COX10: variants seen among roughly 807,000 people sequenced by gnomAD.
The protein encoded by COX10 is protoheme IX farnesyltransferase, mitochondrial.
COX10 carries 27 observed loss-of-function variants against 37.3 expected under a neutral mutation model. That is an observed-to-expected ratio of 0.72 (90% CI 0.53 to 1.00). The LOEUF (loss-of-function observed/expected upper bound fraction) is 1.00. COX10 is among the 50% of genes least tolerant of loss of function. COX10 has a pLI of 0.00. For missense variants in COX10, 475 were observed against 563.2 expected (o/e 0.84, Z 1.59); for synonymous variants, 222 against 229.1 (o/e 0.97, Z 0.28).
intron 3 of COX10, among the ~76,000 whole-genome samples, chr17:14,094,980 C>T (rs1429461031): frequency 1.3e-5 from 2 of 152,024 alleles, no homozygotes; most frequent in African/African-American, 4.8e-5. Flanking sequence ...GTGGGATTTG[C>T]ATAATTGAAG....
intron 4 of COX10, among the ~76,000 whole-genome samples, chr17:14,112,925 G>T (rs1305606780): frequency 1.3e-5 from 2 of 152,162 alleles, no homozygotes; most frequent in African/African-American, 4.8e-5. Context: ...GGGCATATGT[G>T]CTTTGCTAAA....
chr17:14,084,290 A>C (rs1402477228), intron 3 of COX10, among the ~76,000 whole-genome samples: 1 of 152,150 alleles, frequency 6.6e-6, no homozygotes, highest in Non-Finnish European at 1.5e-5. Flanking sequence ...TAAATGTTAT[A>C]GTATTATTTT....
At chr17:14,150,269 C>G (rs1438717301) in intron 4 of COX10, among the ~76,000 whole-genome samples, 1 of 149,632 alleles carries the variant, frequency 6.7e-6, no homozygotes, top group Non-Finnish European at 1.5e-5. Context: ...AAAACCCTGT[C>G]TCAAAAAAAA....
At chr17:14,077,322 A>C (rs1285493042) in intron 3 of COX10, 5 of 434,570 alleles carry the variant, frequency 1.2e-5, no homozygotes, top group African/African-American at 2.0e-5. Context: ...TATCCTGCTT[A>C]TTTCCTTGTC....
At chr17:14,075,437 A>G (rs981047539) in intron 2 of COX10, among the ~76,000 whole-genome samples, 1 of 152,188 alleles carries the variant, frequency 6.6e-6, no homozygotes, top group African/African-American at 2.4e-5. Context: ...ATGCCTGCCT[A>G]TAGCTGGTTG....
intron 3 of COX10, among the ~76,000 whole-genome samples, chr17:14,085,985 T>TGTTGA (rs1237300354): frequency 6.6e-6 from 1 of 152,208 alleles, no homozygotes; most frequent in African/African-American, 2.4e-5. Flanking sequence ...AGTGGTGATT[T>TGTTGA]GTATTGCTTT....
At chr17:14,168,086 A>G (rs1034703827) in intron 5 of COX10, among the ~76,000 whole-genome samples, 7 of 152,248 alleles carry the variant, frequency 4.6e-5, no homozygotes, top group African/African-American at 1.4e-4. Flanking sequence ...ACAAGATACA[A>G]TGAGGGTACA....
intron 4 of COX10, among the ~76,000 whole-genome samples, chr17:14,158,365 A>G (rs1284552547): frequency 1.3e-5 from 2 of 151,712 alleles, no homozygotes; most frequent in African/African-American, 4.9e-5. Flanking sequence ...AAAATTCTAC[A>G]TTTCTCAAAT....
intron 3 of COX10, among the ~76,000 whole-genome samples, chr17:14,096,364 GTTTTTTTTTTTTTCT>G (rs922816787): frequency 1.6e-5 from 2 of 128,708 alleles, no homozygotes; most frequent in African/African-American, 5.8e-5. Context: ...ATGTAGGTGT[GTTTTTTTTTTTTTCT>G]TTTTTTTTTT....
chr17:14,070,831 G>A (rs564528120), intron 1 of COX10, among the ~76,000 whole-genome samples: 1 of 152,338 alleles, frequency 6.6e-6, no homozygotes, highest in Non-Finnish European at 1.5e-5. Flanking sequence ...CTGGAATTGA[G>A]TTTACTCATC....
chr17:14,127,927 ATGTGTGTGTGTGTGTG>A (rs67774468), intron 4 of COX10, among the ~76,000 whole-genome samples: 3 of 143,596 alleles, frequency 2.1e-5, no homozygotes, highest in Admixed American at 6.9e-5. Context: ...GAGTGTGTGT[ATGTGTGTGTGTGTGTG>A]TGTGTGTGTG....
At chr17:14,143,918 C>G (rs1437769408) in intron 4 of COX10, among the ~76,000 whole-genome samples, 2 of 152,080 alleles carry the variant, frequency 1.3e-5, no homozygotes, top group South Asian at 2.1e-4. Flanking sequence ...AGCAAGTTGG[C>G]TTTGTGCCCA....
At chr17:14,097,247 G>A (rs890733508) in intron 3 of COX10, among the ~76,000 whole-genome samples, 4 of 151,734 alleles carry the variant, frequency 2.6e-5, no homozygotes, top group African/African-American at 9.7e-5. Context: ...CAATTTATCC[G>A]TCCTCACTGC....
chr17:14,083,165 C>T (rs557052407), intron 3 of COX10, among the ~76,000 whole-genome samples: 6 of 152,248 alleles, frequency 3.9e-5, no homozygotes, highest in African/African-American at 1.4e-4. Flanking sequence ...AGTAAATTTC[C>T]CTTGTATTAT....
chr17:14,076,583 C>A, intron 2 of COX10, 152 bp from the exon 3 acceptor site: 2 of 743,382 alleles, frequency 2.7e-6, no homozygotes, highest in South Asian at 1.7e-5. Flanking sequence ...CCATATAGCA[C>A]TCTATAAATA....
chr17:14,149,375 G>T (rs1255511553), intron 4 of COX10, among the ~76,000 whole-genome samples: 1 of 152,118 alleles, frequency 6.6e-6, no homozygotes, highest in African/African-American at 2.4e-5. Flanking sequence ...GCTTTACAGT[G>T]TATTATAAAT....
intron 4 of COX10, among the ~76,000 whole-genome samples, chr17:14,126,134 G>A (rs551653125): frequency 3.3e-5 from 5 of 151,830 alleles, no homozygotes; most frequent in Non-Finnish European, 7.4e-5. Context: ...TTCCTTATAA[G>A]GATGCATCTT....
intron 3 of COX10, among the ~76,000 whole-genome samples, chr17:14,080,991 A>G (rs1445738815): frequency 6.6e-6 from 1 of 152,184 alleles, no homozygotes; most frequent in African/African-American, 2.4e-5. Context: ...CATCTGGATT[A>G]TATTTCAGTG....
chr17:14,140,232 T>G (rs1160884796), intron 4 of COX10, among the ~76,000 whole-genome samples: 2 of 152,186 alleles, frequency 1.3e-5, no homozygotes, highest in East Asian at 3.8e-4. Flanking sequence ...TTTATTTTAA[T>G]AAGATTTTTT....
Sources: gnomAD v4.1 joint callset for allele counts (sites outside exome capture counted in the v4.1 genomes callset) on GRCh38, gnomAD v4.1.1 for gene constraint, MANE v1.5 for transcripts, NCBI Gene and HGNC (gene_info 2026-07-23, HGNC 2026-07-21) for gene names.